The following PRKG1 variants were observed in gnomAD, a reference collection of about 807,000 sequenced individuals.
PRKG1 encodes cGMP-dependent protein kinase 1.
PRKG1 carries 35 observed loss-of-function variants against 88.1 expected under a neutral mutation model. The ratio of observed to expected loss-of-function variants is 0.40; its 90% CI spans 0.30 to 0.53. The LOEUF (loss-of-function observed/expected upper bound fraction) is 0.53, where lower values mean the gene tolerates loss of function less well. Among genes scored for constraint, PRKG1 ranks in the 20% least tolerant of loss-of-function variants. PRKG1 has a pLI of 0.59. For synonymous variants in PRKG1, 303 were observed against 292.5 expected (o/e 1.04, Z -0.37); for missense variants, 540 against 839.8 (o/e 0.64, Z 4.41).
rs1564631495 is a variant in PRKG1 at position 51,186,960 on chromosome 10, A to ATATATATATATATATATATATG, written c.478+33651_478+33652insGTATATATATATATATATATAT. Among the ~76,000 whole-genome samples, 37 of 58,224 alleles carry ATATATATATATATATATATATG rather than the reference A, an allele frequency of 6.4e-4. 1 individual carries two copies. Among genetic ancestry groups the ATATATATATATATATATATATG allele is most frequent in the Middle Eastern group, 7.9e-3 (1 of 126 alleles). The allele number at this position is 58,224 out of a possible 152,430, so 38.2% of individuals were successfully genotyped here. A position where few individuals can be genotyped will look rare whatever the true frequency, so the allele number is the denominator to read the frequency against. On this transcript the variant is annotated intron_variant, in intron 2 of 17. Transcript: ENST00000373980. ...AGTTTTGCAAGGCCCTGTGTTATAT[A>ATATATATATATATATATATATG]TATATATATATATATATATATATGT...
chr10:51,612,057 A>G (rs1347754367), intron 3 of PRKG1, among the ~76,000 whole-genome samples: 1 of 151,908 alleles, frequency 6.6e-6, no homozygotes, highest in South Asian at 2.1e-4. Flanking sequence ...ATACATTTTG[A>G]AGTCAGGTAA....
chr10:51,062,103 C>G (rs752565268), intron 1 of PRKG1, among the ~76,000 whole-genome samples: 1 of 152,158 alleles, frequency 6.6e-6, no homozygotes, highest in Non-Finnish European at 1.5e-5. Context: ...TTTACTTTTG[C>G]TCCTGATGGG....
intron 2 of PRKG1, among the ~76,000 whole-genome samples, chr10:51,375,744 G>C (rs186568866): frequency 3.2e-3 from 425 of 132,716 alleles, no homozygotes; most frequent in Non-Finnish European, 5.5e-3. Context: ...TATAATATGA[G>C]TGTTGGTGGT....
intron 1 of PRKG1, among the ~76,000 whole-genome samples, chr10:51,098,465 G>T (rs1222324217): frequency 6.6e-6 from 1 of 152,162 alleles, no homozygotes; most frequent in Non-Finnish European, 1.5e-5. Flanking sequence ...GAGCAAGGTG[G>T]ACTGCAATGG....
chr10:52,049,121 G>A (rs1165819688), intron 5 of PRKG1, among the ~76,000 whole-genome samples: 1 of 152,144 alleles, frequency 6.6e-6, no homozygotes, highest in Non-Finnish European at 1.5e-5. Context: ...GCATGCAGGA[G>A]CATTTTGGCA....
rs1189720765 is a variant in PRKG1 at position 51,971,510 on chromosome 10, C to CT, written c.762+63947dup. On this transcript the variant is annotated intron_variant, in intron 5 of 17. Transcript: ENST00000373980. ...AAAGCTTTGAATTCAGGCAGTTTCT[C>CT]TTTTTTTATCTTATTGTCAAAATAT... Among the ~76,000 whole-genome samples the CT allele has an allele frequency of 2.6e-5, 4 of 152,028 alleles. No individual in the cohort carries two copies. In the East Asian group the frequency reaches 7.7e-4, roughly 29 times the overall value.
chr10:51,450,915 T>G (rs566813076), intron 2 of PRKG1, among the ~76,000 whole-genome samples: 17 of 151,760 alleles, frequency 1.1e-4, no homozygotes, highest in Non-Finnish European at 2.2e-4. Flanking sequence ...GAATGGCAAA[T>G]TCAATGATGA....
At chr10:51,699,287 C>G in intron 3 of PRKG1, 1 of 1,614,090 alleles carries the variant, frequency 6.2e-7, no homozygotes, top group Non-Finnish European at 8.5e-7. Context: ...ATTGTCCACC[C>G]GAAGCGCTCT....
intron 3 of PRKG1, among the ~76,000 whole-genome samples, chr10:51,741,086 T>C (rs1017495597): frequency 2.6e-5 from 4 of 152,104 alleles, no homozygotes; most frequent in African/African-American, 7.2e-5. Context: ...TTCATTCTAT[T>C]ATTTTTTAAA....
intron 2 of PRKG1, among the ~76,000 whole-genome samples, chr10:51,417,778 C>T (rs1270933760): frequency 6.6e-6 from 1 of 152,112 alleles, no homozygotes; most frequent in Non-Finnish European, 1.5e-5. Context: ...ATTCAGTATC[C>T]TCATCGTGAT....
At chr10:51,077,811 C>G (rs1489272283) in intron 1 of PRKG1, among the ~76,000 whole-genome samples, 1 of 152,118 alleles carries the variant, frequency 6.6e-6, no homozygotes, top group Non-Finnish European at 1.5e-5. Context: ...TATTCCACTG[C>G]TACCAAATAA....
intron 2 of PRKG1, among the ~76,000 whole-genome samples, chr10:51,202,884 T>A (rs2132058484): frequency 6.6e-6 from 1 of 152,310 alleles, no homozygotes; most frequent in Admixed American, 6.5e-5. Context: ...TTTTTGAGCA[T>A]CACATTGATT....
intron 7 of PRKG1, among the ~76,000 whole-genome samples, chr10:52,079,912 G>A (rs888093204): frequency 1.3e-5 from 2 of 152,152 alleles, no homozygotes; most frequent in Admixed American, 6.5e-5. Context: ...CCCCATACAT[G>A]CTAATAAGTG....
intron 3 of PRKG1, among the ~76,000 whole-genome samples, chr10:51,536,105 A>G (rs1022209554): frequency 6.6e-6 from 1 of 152,194 alleles, no homozygotes; most frequent in Non-Finnish European, 1.5e-5. Flanking sequence ...CATAGGGGGT[A>G]TGATACTAAT....
chr10:51,369,874 G>A (rs1344392863), intron 2 of PRKG1, among the ~76,000 whole-genome samples: 5 of 152,124 alleles, frequency 3.3e-5, no homozygotes, highest in African/African-American at 1.2e-4. Context: ...CTACACTAAA[G>A]ACATTTATGT....
In PRKG1 at chr10:51,284,865, CTTTTTT is replaced by C. The variant is rs5784867; in HGVS notation, c.478+131552_478+131557del. Among the ~76,000 whole-genome samples, 5 of 51,668 alleles carry C rather than the reference CTTTTTT, an allele frequency of 9.7e-5. No individual in the cohort carries two copies. In the East Asian group the frequency reaches 2.0e-3, roughly 20 times the overall value. The allele number at this position is 51,668 out of a possible 152,430, so 33.9% of individuals were successfully genotyped here. On this transcript the variant is annotated intron_variant, in intron 2 of 17. Transcript: ENST00000373980. ...GGGTGTGGCTCCAGTGTTGTGGGTA[CTTTTTT>C]TTTTTTTTTTTTTTTTAAGCTATTC...
At chr10:52,221,378 G>A (rs1227596923) in intron 9 of PRKG1, among the ~76,000 whole-genome samples, 1 of 152,128 alleles carries the variant, frequency 6.6e-6, no homozygotes, top group African/African-American at 2.4e-5. Flanking sequence ...TAGAAAATGA[G>A]CTGAATAAAT....
chr10:51,690,939 AAAAAAAAAAAAAG>A (rs1841124406), intron 3 of PRKG1, among the ~76,000 whole-genome samples: 1 of 150,424 alleles, frequency 6.6e-6, no homozygotes, highest in East Asian at 1.9e-4. Context: ...AAAAAAAAAA[AAAAAAAAAAAAAG>A]AATTACGTTC....
At chr10:51,490,042 G>A (rs1385903377) in intron 3 of PRKG1, among the ~76,000 whole-genome samples, 1 of 152,024 alleles carries the variant, frequency 6.6e-6, no homozygotes, top group Non-Finnish European at 1.5e-5. Context: ...CCATACAAGT[G>A]ATCAGTTTCA....
Sources: allele counts gnomAD v4.1 joint callset (sites outside exome capture counted in the v4.1 genomes callset), GRCh38; gene constraint gnomAD v4.1.1; transcripts MANE v1.5; gene names NCBI Gene and HGNC (gene_info 2026-07-23, HGNC 2026-07-21).